The following OR56A3 variants were observed in gnomAD, a reference collection of about 807,000 sequenced individuals.
The protein encoded by OR56A3 is olfactory receptor 56A3.
In OR56A3, 23 loss-of-function variants were observed where a neutral mutation model predicts 17.5. The ratio of observed to expected loss-of-function variants is 1.32; its 90% CI spans 0.95 to 1.87. OR56A3 has a LOEUF of 1.87. Among genes scored for constraint, OR56A3 ranks in the 40% most tolerant of loss-of-function variants. OR56A3 has a pLI of 0.00. For missense variants in OR56A3, 366 were observed against 380.1 expected, an observed-to-expected ratio of 0.96 and a Z score of 0.31; for synonymous variants, 175 against 150.6, an observed-to-expected ratio of 1.16 and a Z score of -1.19.
At chr11:5,967,885 C>T in the OR56A3 span, 1 of 1,582,486 alleles carries the variant, frequency 6.3e-7, no homozygotes, top group Non-Finnish European at 8.6e-7. Flanking sequence ...CAACCTATAA[C>T]AAACTGGTAG....
At chr11:5,979,166 A>G in the OR56A3 span, among the ~76,000 whole-genome samples, 1 of 144,862 alleles carries the variant, frequency 6.9e-6, no homozygotes, top group Non-Finnish European at 1.5e-5. Flanking sequence ...CATTAGGGAT[A>G]TTGGCCTGAA....
the OR56A3 span, among the ~76,000 whole-genome samples, chr11:5,978,585 T>A: frequency 9.1e-4 from 139 of 152,118 alleles, no homozygotes; most frequent in African/African-American, 3.2e-3. Context: ...TTTGCTGAAG[T>A]TTTTTTTAAT....
chr11:6,008,479 T>C, the OR56A3 span, among the ~76,000 whole-genome samples: 1 of 152,110 alleles, frequency 6.6e-6, no homozygotes, highest in Non-Finnish European at 1.5e-5. Context: ...CAGAATTTCT[T>C]ATAAATAAAT....
the OR56A3 span, among the ~76,000 whole-genome samples, chr11:5,996,506 G>GTT: frequency 1.3e-3 from 193 of 143,366 alleles, 1 homozygote; most frequent in African/African-American, 4.4e-3. Flanking sequence ...AACCAGTGAA[G>GTT]TTTTTTTTTT....
chr11:6,006,355 C>T, the OR56A3 span: 2 of 152,160 alleles, frequency 1.3e-5, no homozygotes, highest in African/African-American at 4.8e-5. Context: ...CCATCTGGGG[C>T]ATTGTTTTCG....
At chr11:6,005,404 G>A in the OR56A3 span, among the ~76,000 whole-genome samples, 1 of 152,216 alleles carries the variant, frequency 6.6e-6, no homozygotes, top group African/African-American at 2.4e-5. Flanking sequence ...CAAGTTCTTT[G>A]GGGAAAAGGA....
chr11:5,994,016 C>A, the OR56A3 span: 1 of 463,804 alleles, frequency 2.2e-6, no homozygotes, highest in South Asian at 1.6e-5. Context: ...TTGCTGTCTT[C>A]CAGCAGGCTG....
chr11:5,957,894 T>G, the OR56A3 span, among the ~76,000 whole-genome samples: 1 of 152,184 alleles, frequency 6.6e-6, no homozygotes, highest in African/African-American at 2.4e-5. Flanking sequence ...CTAGATTTGA[T>G]GAGTTTTAAA....
the OR56A3 span, among the ~76,000 whole-genome samples, chr11:6,013,364 G>A: frequency 2.0e-5 from 3 of 152,298 alleles, no homozygotes; most frequent in African/African-American, 4.8e-5. Context: ...TGCCCAGCTC[G>A]CGGCCCTGCA....
the OR56A3 span, among the ~76,000 whole-genome samples, chr11:6,007,611 A>G: frequency 1.3e-5 from 2 of 152,112 alleles, no homozygotes; most frequent in Non-Finnish European, 2.9e-5. Context: ...ATAGGAAGAA[A>G]GGAGGGAAGA....
the OR56A3 span, chr11:6,002,933 G>A: frequency 7.4e-6 from 12 of 1,613,964 alleles, no homozygotes; most frequent in Non-Finnish European, 1.0e-5. Flanking sequence ...GGAAGTTGGG[G>A]AAGCAGATGA....
the OR56A3 span, among the ~76,000 whole-genome samples, chr11:5,988,961 T>C: frequency 1.3e-5 from 2 of 152,394 alleles, no homozygotes; most frequent in South Asian, 4.1e-4. Context: ...GACTTAGTTC[T>C]TGTGGATAAT....
chr11:5,981,568 A>G, the OR56A3 span, among the ~76,000 whole-genome samples: 70,049 of 151,858 alleles, frequency 0.46, 17,336 homozygotes, highest in East Asian at 0.65. Flanking sequence ...CTATCATTTT[A>G]CTGGATTCCT....
chr11:6,002,765 G>C, the OR56A3 span: 7 of 1,613,922 alleles, frequency 4.3e-6, no homozygotes, highest in Non-Finnish European at 5.9e-6. Flanking sequence ...CGGTGAGGCA[G>C]AGCACGATGT....
chr11:5,991,897 A>G, the OR56A3 span, among the ~76,000 whole-genome samples: 52 of 152,324 alleles, frequency 3.4e-4, no homozygotes, highest in Middle Eastern at 6.8e-3. Context: ...ACAAAGCCTA[A>G]GTTAGCCCCC....
the OR56A3 span, chr11:6,000,833 G>A: frequency 1.3e-5 from 2 of 152,188 alleles, no homozygotes; most frequent in African/African-American, 4.8e-5. Context: ...CTAGAATATA[G>A]CAGGTCTGTA....
At chr11:5,967,599 G>T in the OR56A3 span, 4 of 1,613,208 alleles carry the variant, frequency 2.5e-6, no homozygotes, top group Non-Finnish European at 3.4e-6. Flanking sequence ...GATCTCCTTG[G>T]TTCTCACACC....
the OR56A3 span, among the ~76,000 whole-genome samples, chr11:5,962,453 C>T: frequency 1.3e-5 from 2 of 151,538 alleles, no homozygotes; most frequent in East Asian, 3.9e-4. Flanking sequence ...TTTGGAATAG[C>T]TTGAGAAGAA....
the OR56A3 span, among the ~76,000 whole-genome samples, chr11:5,981,927 A>G: frequency 6.6e-6 from 1 of 152,182 alleles, no homozygotes; most frequent in Non-Finnish European, 1.5e-5. Context: ...TCAGGGGGCC[A>G]TGGTTCAACT....
Sources: allele counts gnomAD v4.1 joint callset (sites outside exome capture counted in the v4.1 genomes callset), GRCh38; gene constraint gnomAD v4.1.1; transcripts MANE v1.5; gene names NCBI Gene and HGNC (gene_info 2026-07-23, HGNC 2026-07-21).